The following SLC5A1 variants were observed in gnomAD, a reference collection of about 807,000 sequenced individuals.
SLC5A1 encodes sodium/glucose cotransporter 1.
SLC5A1 carries 42 observed loss-of-function variants against 73.5 expected under a neutral mutation model. The ratio of observed to expected loss-of-function variants is 0.57; its 90% CI spans 0.45 to 0.74. SLC5A1 has a LOEUF of 0.74. Ranked by LOEUF, SLC5A1 falls within the 30% of genes least tolerant of loss-of-function variation. The pLI is 0.00. For missense variants in SLC5A1, 634 were observed against 855.4 expected (o/e 0.74, Z 3.23); for synonymous variants, 300 against 317.4 (o/e 0.95, Z 0.58).
At chr22:32,078,292 G>A (rs1372996590) in intron 5 of SLC5A1, among the ~76,000 whole-genome samples, 2 of 149,434 alleles carry the variant, frequency 1.3e-5, no homozygotes, top group Non-Finnish European at 3.0e-5. Flanking sequence ...CTTTTTTTTT[G>A]AGCAAAACTC....
intron 1 of SLC5A1, 44 bp from the exon 2 acceptor site, chr22:32,049,899 A>C: frequency 2.0e-6 from 3 of 1,535,748 alleles, no homozygotes; most frequent in African/African-American, 1.4e-5. Context: ...TGGCAAGGCC[A>C]CTCTTCTAGT....
chr22:32,056,168 C>T (rs1466954323), intron 2 of SLC5A1, among the ~76,000 whole-genome samples: 3 of 152,034 alleles, frequency 2.0e-5, no homozygotes, highest in Non-Finnish European at 4.4e-5. Flanking sequence ...ACTACAGGTG[C>T]GTGCCACCAC....
At chr22:32,089,269 A>G (rs1460038410) in intron 10 of SLC5A1, among the ~76,000 whole-genome samples, 1 of 152,166 alleles carries the variant, frequency 6.6e-6, no homozygotes, top group African/African-American at 2.4e-5. Context: ...TACCACACAA[A>G]CTCAGAAAGA....
rs1450100086 is a variant in SLC5A1, at chr22:32,060,052, C to CACACACACAT, written c.208-6882_208-6881insCACACACATA. On this transcript the variant is annotated intron_variant, in intron 2 of 14. Coordinates refer to ENST00000266088, the MANE Select transcript of SLC5A1 (RefSeq NM_000343.4). ...ACACACACACACACACACACACACA[C>CACACACACAT]ATATATACACACACATATATATATA... Among the ~76,000 whole-genome samples the CACACACACAT allele has an allele frequency of 8.8e-4, 102 of 115,612 alleles. 1 individual carries two copies. The South Asian group carries it at 0.012, about 14-fold the overall frequency. 75.8% of individuals were successfully genotyped at this position (115,612 alleles called of 152,430 possible). A position where few individuals can be genotyped will look rare whatever the true frequency, so the allele number is the denominator to read the frequency against.
At chr22:32,073,367 C>T (rs1464701168) in intron 5 of SLC5A1, among the ~76,000 whole-genome samples, 2 of 152,106 alleles carry the variant, frequency 1.3e-5, no homozygotes, top group East Asian at 1.9e-4. Context: ...AGGCTCTTGC[C>T]GATAATGCTG....
At chr22:32,077,609 G>T (rs1023264784) in intron 5 of SLC5A1, among the ~76,000 whole-genome samples, 1 of 152,002 alleles carries the variant, frequency 6.6e-6, no homozygotes, top group African/African-American at 2.4e-5. Flanking sequence ...AAATATACAG[G>T]AATGCAGAAA....
At chr22:32,049,219 C>A (rs867099868) in intron 1 of SLC5A1, among the ~76,000 whole-genome samples, 2 of 102,652 alleles carry the variant, frequency 1.9e-5, no homozygotes, top group African/African-American at 9.4e-5. Flanking sequence ...ATATCTATAT[C>A]TATATCTATA....
intron 14 of SLC5A1, among the ~76,000 whole-genome samples, 172 bp downstream of exon 14, chr22:32,105,063 C>CT (rs1490149641): frequency 2.6e-5 from 4 of 152,130 alleles, no homozygotes; most frequent in Non-Finnish European, 5.9e-5. Flanking sequence ...GAAGTTAACT[C>CT]TGAGTTCAAG....
intron 5 of SLC5A1, among the ~76,000 whole-genome samples, chr22:32,080,342 A>G (rs997214857): frequency 2.6e-5 from 4 of 152,148 alleles, no homozygotes; most frequent in South Asian, 2.1e-4. Context: ...ATCACCCTCC[A>G]GGGCTCACGT....
chr22:32,084,319 A>G (rs916096669), intron 7 of SLC5A1, 120 bp from the exon 8 acceptor site: 149 of 841,852 alleles, frequency 1.8e-4, no homozygotes, highest in Non-Finnish European at 2.4e-4. Context: ...GCCCAAGGCC[A>G]CTCAGTGAGG....
intron 5 of SLC5A1, among the ~76,000 whole-genome samples, chr22:32,071,906 C>T (rs370629790): frequency 2.0e-5 from 3 of 151,926 alleles, no homozygotes; most frequent in Admixed American, 2.0e-4. Context: ...TTTTTTATTA[C>T]GGAAAATTTC....
At chr22:32,053,296 A>G (rs78443579) in intron 2 of SLC5A1, among the ~76,000 whole-genome samples, 6,822 of 151,110 alleles carry the variant, frequency 0.045, 208 homozygotes, top group Non-Finnish European at 0.071. Flanking sequence ...CCTATTACTC[A>G]TTCTCCTTTT....
At chr22:32,083,209 G>A in intron 7 of SLC5A1, 55 bp downstream of exon 7, 2 of 1,453,096 alleles carry the variant, frequency 1.4e-6, no homozygotes, top group Non-Finnish European at 1.9e-6. Context: ...AGGGCCTCAG[G>A]AAGAGGAAGG....
chr22:32,056,085 G>T (rs1479040800), intron 2 of SLC5A1, among the ~76,000 whole-genome samples: 1 of 152,160 alleles, frequency 6.6e-6, no homozygotes, highest in African/African-American at 2.4e-5. Flanking sequence ...GCAGTGACGT[G>T]ATCATAACTT....
chr22:32,060,742 A>T (rs1181637905), intron 2 of SLC5A1, among the ~76,000 whole-genome samples: 1 of 151,764 alleles, frequency 6.6e-6, no homozygotes, highest in Middle Eastern at 3.2e-3. Flanking sequence ...GCTAGTTTTT[A>T]ATTTTTTTGT....
At position 32,067,051 on chromosome 22, in the gene SLC5A1, T is replaced by G. The variant is rs1180023280; in HGVS notation, c.312+12T>G. 3 of 1,588,200 alleles carry G rather than the reference T, an allele frequency of 1.9e-6. No homozygotes were observed. Among genetic ancestry groups the G allele is most frequent in the Non-Finnish European group, 2.6e-6 (3 of 1,157,092 alleles). ...GCTTTGAATGGAATGTGAGTAACAC[T>G]GCAGCCATGGTGCACTGGGGCTGGA... On this transcript the variant is annotated intron_variant, in intron 3 of 14. Coordinates refer to ENST00000266088, the MANE Select transcript of SLC5A1 (RefSeq NM_000343.4).
intron 14 of SLC5A1, among the ~76,000 whole-genome samples, chr22:32,109,406 G>A (rs994635912): frequency 2.0e-5 from 3 of 152,182 alleles, no homozygotes; most frequent in Non-Finnish European, 4.4e-5. Context: ...TGGACAGTTT[G>A]ATTAAGCAGT....
At chr22:32,105,176 G>A (rs148308353) in intron 14 of SLC5A1, among the ~76,000 whole-genome samples, 2 of 152,204 alleles carry the variant, frequency 1.3e-5, no homozygotes, top group African/African-American at 4.8e-5. Flanking sequence ...TACGTGAGAT[G>A]TTCTGATGCA....
intron 8 of SLC5A1, 42 bp downstream of exon 8, chr22:32,084,701 G>A (rs575761301): frequency 6.4e-7 from 1 of 1,569,498 alleles, no homozygotes; most frequent in African/African-American, 1.3e-5. Context: ...GTCTTCTCCA[G>A]GGCCCTACAG....
Sources: allele counts gnomAD v4.1 joint callset (sites outside exome capture counted in the v4.1 genomes callset), GRCh38; gene constraint gnomAD v4.1.1; transcripts MANE v1.5; gene names NCBI Gene and HGNC (gene_info 2026-07-23, HGNC 2026-07-21).